Variants in PCDHGB5 observed in about 807,000 individuals in gnomAD.
PCDHGB5 encodes protocadherin gamma-B5.
A neutral mutation model predicts 62.9 loss-of-function variants in PCDHGB5; 48 were observed. The ratio of observed to expected loss-of-function variants is 0.76; its 90% CI spans 0.61 to 0.97. The LOEUF (loss-of-function observed/expected upper bound fraction) is 0.97, where lower values mean the gene tolerates loss of function less well. Ranked by LOEUF, PCDHGB5 falls within the 50% of genes least tolerant of loss-of-function variation. The probability of loss-of-function intolerance (pLI) is 0.00; values close to 1 mark genes in which losing one functional copy is unlikely to be tolerated. For missense variants in PCDHGB5, 1,118 were observed against 1,198.6 expected (o/e 0.93, Z 0.99); for synonymous variants, 474 against 511.2 (o/e 0.93, Z 0.98).
intron 1 of PCDHGB5, among the ~76,000 whole-genome samples, chr5:141,469,134 G>T (rs2099192163): frequency 6.6e-6 from 1 of 151,944 alleles, no homozygotes; most frequent in Non-Finnish European, 1.5e-5. Context: ...AAATTAGCCA[G>T]AAATGGTGGC....
intron 1 of PCDHGB5, chr5:141,427,221 T>C (rs1312743800): frequency 2.2e-6 from 1 of 456,628 alleles, no homozygotes; most frequent in Non-Finnish European, 4.4e-6. Context: ...TCGTAGCAGT[T>C]ATACCATGAG....
In PCDHGB5 at chr5:141,511,224, G is replaced by T. The variant is rs752401867; in HGVS notation, c.*51G>T. On this transcript the variant is annotated 3_prime_UTR_variant, in exon 4 of 4. Coordinates refer to ENST00000617380, the MANE Select transcript of PCDHGB5 (RefSeq NM_018925.3). ...GGGCGGCCTCTCCCCAACCAGCCCA[G>T]CTTCTCCTTACCTGCACCCAGGCCT... is the stretch of plus-strand genomic sequence containing the variant. 44 of 1,603,158 alleles carry T rather than the reference G, an allele frequency of 2.7e-5. No individual in the cohort carries two copies. Among genetic ancestry groups the T allele is most frequent in the Non-Finnish European group, 3.6e-5 (42 of 1,174,924 alleles).
intron 1 of PCDHGB5, chr5:141,418,445 T>C (rs2154547687): frequency 2.5e-6 from 4 of 1,614,038 alleles, no homozygotes; most frequent in East Asian, 2.2e-5. Context: ...AGAATTAGTA[T>C]TGCAGAAGAC....
At chr5:141,478,850 A>T in intron 1 of PCDHGB5, 1 of 1,376,726 alleles carries the variant, frequency 7.3e-7, no homozygotes, top group South Asian at 1.5e-5. Context: ...AAGCTAAAAC[A>T]CAAGATCTCA....
intron 1 of PCDHGB5, chr5:141,427,448 TC>T (rs1355717683): frequency 6.2e-6 from 3 of 484,982 alleles, no homozygotes; most frequent in Non-Finnish European, 1.2e-5. Flanking sequence ...ACGAAAGAGT[TC>T]CTTTTAGAAT....
At chr5:141,492,834 G>T (rs544218873) in intron 1 of PCDHGB5, among the ~76,000 whole-genome samples, 36 of 152,332 alleles carry the variant, frequency 2.4e-4, no homozygotes, top group Non-Finnish European at 4.1e-4. Flanking sequence ...CCTTCCTCCC[G>T]CAGGAAGTGA....
In PCDHGB5 at chr5:141,410,849, CTTTTTTT is replaced by C. The variant is rs759346998; in HGVS notation, c.2397+10341_2397+10347del. 8.7e-3 allele frequency: 1,205 copies of C among 138,184 alleles called. 49 individuals are homozygous for C. Among genetic ancestry groups the C allele is most frequent in the African/African-American group, 0.064 (1,073 of 16,650 alleles). 8.6% of individuals were successfully genotyped at this position (138,184 alleles called of 1,614,324 possible). ...CAGACTGAAGATATTTTGTCTTTGT[CTTTTTTT>C]TTTTTTTTTTTTTTTGAGATGGAGT... is the stretch of plus-strand genomic sequence containing the variant. On this transcript the variant is annotated intron_variant, in intron 1 of 3. Coordinates refer to ENST00000617380, the MANE Select transcript of PCDHGB5 (RefSeq NM_018925.3).
intron 1 of PCDHGB5, among the ~76,000 whole-genome samples, chr5:141,454,701 C>G (rs1182969868): frequency 6.6e-6 from 1 of 151,760 alleles, no homozygotes; most frequent in Non-Finnish European, 1.5e-5. Context: ...CCACCATGCT[C>G]CACCTGCTTA....
At chr5:141,488,070 C>A (rs777154469) in intron 1 of PCDHGB5, among the ~76,000 whole-genome samples, 3 of 152,076 alleles carry the variant, frequency 2.0e-5, no homozygotes, top group Non-Finnish European at 1.5e-5. Context: ...TCTTTGTCTC[C>A]CAGTATCTAG....
chr5:141,409,690 A>T (rs778962490), intron 1 of PCDHGB5: 1 of 1,613,354 alleles, frequency 6.2e-7, no homozygotes, highest in South Asian at 1.1e-5. Context: ...CGAGTGACCT[A>T]GAGCCCCTGG....
At position 141,485,892 on chromosome 5, in the gene PCDHGB5, C is replaced by T; in HGVS notation, c.2398-8915C>T. On this transcript the variant is annotated intron_variant, in intron 1 of 3. Coordinates refer to ENST00000617380, the MANE Select transcript of PCDHGB5 (RefSeq NM_018925.3). The surrounding 1 kb of genome is among the most constrained non-coding windows in gnomAD (Gnocchi z 5.7). ...GTGCTGGACGTAAACGACAACGCCC[C>T]AGCCTTCCAGCAATCCAGCTACAGG... is the stretch of plus-strand genomic sequence containing the variant. 6.2e-7 allele frequency: 1 copy of T among 1,614,194 alleles called. No individual in the cohort carries two copies.
chr5:141,415,893 A>G, intron 1 of PCDHGB5: 2 of 904,826 alleles, frequency 2.2e-6, no homozygotes, highest in Non-Finnish European at 3.0e-6. Flanking sequence ...GACAATTCCT[A>G]AGACAGACTT....
In PCDHGB5 at chr5:141,477,844, G is replaced by A. The variant is rs748180474; in HGVS notation, c.2398-16963G>A. On this transcript the variant is annotated intron_variant, in intron 1 of 3. Coordinates refer to ENST00000617380, the MANE Select transcript of PCDHGB5 (RefSeq NM_018925.3). This position sits in a 1 kb window ranked among gnomAD's most constrained non-coding sequence, Gnocchi z 4.9. ...TATATCCTCGGCCAGGTGGGAGCTC[G>A]GTGGAGATGCTGCCTCGAGGTACCT... The A allele has an allele frequency of 6.2e-7, 1 of 1,613,394 alleles. No individual in the cohort carries two copies.
intron 1 of PCDHGB5, chr5:141,404,489 G>C: frequency 6.2e-7 from 1 of 1,613,796 alleles, no homozygotes; most frequent in Non-Finnish European, 8.5e-7. Flanking sequence ...AGACACTGGT[G>C]TGCTGTATGC....
Position 141,400,095 on chromosome 5 carries a change from G to A in PCDHGB5, c.1968G>A (p.Leu656=), listed in dbSNP as rs6873830. ...CGCCACTCTCCGCCACCGCCACGCT[G>A]CACTTGGTCTTTGCTGACAGCTTGC... The part of the protein sequence containing the change: ...GQPPLSATAT[L]HLVFADSLQE... The change falls in exon 1 of 4, where the codon CTG becomes CTA. Residue 656 remains leucine, a synonymous_variant. Coordinates refer to ENST00000617380, the MANE Select transcript of PCDHGB5 (RefSeq NM_018925.3). 3.0e-3 allele frequency: 4,838 copies of A among 1,614,064 alleles called. 144 individuals are homozygous for A. The African/African-American group carries it at 0.056, about 19-fold the overall frequency.
At chr5:141,405,757 C>T (rs754575292) in intron 1 of PCDHGB5, among the ~76,000 whole-genome samples, 13 of 152,264 alleles carry the variant, frequency 8.5e-5, no homozygotes, top group East Asian at 3.9e-4. Context: ...GGATTACAGG[C>T]GTGAGCCACT....
intron 1 of PCDHGB5, among the ~76,000 whole-genome samples, chr5:141,468,747 T>A (rs2099176715): frequency 6.6e-6 from 1 of 151,990 alleles, no homozygotes; most frequent in South Asian, 2.1e-4. Context: ...GTGCCTGTAG[T>A]CCCAGCTACT....
rs754536860 is a variant in PCDHGB5, at chr5:141,432,221, A to G, written c.2397+31697A>G. The G allele has an allele frequency of 2.5e-6, 4 of 1,614,190 alleles. No homozygotes were observed. The South Asian group carries it at 4.4e-5, about 18-fold the overall frequency. ...CGACTGTGAAGAGAACGCCCAGATC[A>G]CTTATTCCCTGGCTGAGAACACCAT... On this transcript the variant is annotated intron_variant, in intron 1 of 3. Coordinates refer to ENST00000617380, the MANE Select transcript of PCDHGB5 (RefSeq NM_018925.3). The surrounding 1 kb of genome is among the most constrained non-coding windows in gnomAD (Gnocchi z 6.0).
chr5:141,438,631 TATATAC>T (rs1271580663), intron 1 of PCDHGB5, among the ~76,000 whole-genome samples: 5,390 of 42,476 alleles, frequency 0.13, 146 homozygotes, highest in Non-Finnish European at 0.16. Context: ...TATATATATA[TATATAC>T]ACACACACAC....
Sources: gnomAD v4.1 joint callset for allele counts (sites outside exome capture counted in the v4.1 genomes callset) on GRCh38, gnomAD v4.1.1 for gene constraint, Gnocchi (gnomAD v3.1) non-coding constraint, MANE v1.5 for transcripts, NCBI Gene and HGNC (gene_info 2026-07-23, HGNC 2026-07-21) for gene names.